Variants in IL12RB2 observed in about 807,000 individuals in gnomAD.
IL12RB2 encodes the protein interleukin 12 receptor subunit beta 2.
Under a neutral mutation model 89.4 loss-of-function variants are expected in IL12RB2, and 82 were observed. The observed-to-expected ratio is 0.92, with a 90% confidence interval of 0.77 to 1.10. The LOEUF is 1.10. IL12RB2 is among the 50% of genes least tolerant of loss of function. The pLI, the probability that IL12RB2 is intolerant of heterozygous loss-of-function variation, is 0.00. For missense variants in IL12RB2, 963 were observed against 1,031.9 expected (o/e 0.93, Z 0.92); for synonymous variants, 368 against 370.1 (o/e 0.99, Z 0.07).
intron 16 of IL12RB2, among the ~76,000 whole-genome samples, chr1:67,390,964 G>C (rs1665748662): frequency 2.0e-5 from 3 of 152,026 alleles, no homozygotes; most frequent in Admixed American, 6.6e-5. Context: ...CCCTTCCTCA[G>C]GCCAGAAGCC....
chr1:67,341,080 T>C (rs1284472746), intron 9 of IL12RB2, among the ~76,000 whole-genome samples: 1 of 152,202 alleles, frequency 6.6e-6, no homozygotes, highest in Non-Finnish European at 1.5e-5. Context: ...CCAAGAAGGA[T>C]GCTTGGGGTT....
chr1:67,356,504 T>C (rs1449464896), intron 10 of IL12RB2, among the ~76,000 whole-genome samples: 2 of 152,200 alleles, frequency 1.3e-5, no homozygotes, highest in Non-Finnish European at 2.9e-5. Flanking sequence ...CCCATGGGCC[T>C]GGCAGTTTCA....
At chr1:67,362,898 T>G (rs2100942308) in intron 10 of IL12RB2, among the ~76,000 whole-genome samples, 1 of 142,162 alleles carries the variant, frequency 7.0e-6, no homozygotes, top group African/African-American at 2.5e-5. Flanking sequence ...AAATACAAAC[T>G]TTAATTACTC....
At chr1:67,334,768 C>T (rs1359836290) in intron 8 of IL12RB2, among the ~76,000 whole-genome samples, 2 of 152,182 alleles carry the variant, frequency 1.3e-5, no homozygotes, top group African/African-American at 2.4e-5. Context: ...CATGAGCCAC[C>T]GCGCCCGGCC....
chr1:67,374,777 C>CTT (rs35122967), intron 13 of IL12RB2, among the ~76,000 whole-genome samples: 3,207 of 53,876 alleles, frequency 0.06, 169 homozygotes, highest in South Asian at 0.085. Flanking sequence ...AGCCCAGCCT[C>CTT]TTTTTTTTTT....
At chr1:67,328,662 C>T (rs1287404977) in intron 6 of IL12RB2, among the ~76,000 whole-genome samples, 1 of 152,160 alleles carries the variant, frequency 6.6e-6, no homozygotes, top group East Asian at 1.9e-4. Context: ...ACTAATGATA[C>T]CACCTGACTG....
chr1:67,324,811 C>T (rs1270085478), intron 4 of IL12RB2, among the ~76,000 whole-genome samples: 1 of 152,236 alleles, frequency 6.6e-6, no homozygotes, highest in Non-Finnish European at 1.5e-5. Flanking sequence ...TGGGAACAGA[C>T]AGCTTAAACC....
chr1:67,336,201 C>G (rs1050615280), intron 8 of IL12RB2, among the ~76,000 whole-genome samples: 1 of 152,178 alleles, frequency 6.6e-6, no homozygotes, highest in African/African-American at 2.4e-5. Flanking sequence ...AAAGCAAGAC[C>G]TGGGTCCAGT....
intron 8 of IL12RB2, among the ~76,000 whole-genome samples, chr1:67,333,880 C>A (rs78809698): frequency 0.042 from 6,374 of 152,298 alleles, 199 homozygotes; most frequent in Admixed American, 0.068. Flanking sequence ...GATTAATCAG[C>A]TATTCCTTAG....
At chr1:67,325,839 A>T (rs984211274) in intron 4 of IL12RB2, among the ~76,000 whole-genome samples, 2 of 152,222 alleles carry the variant, frequency 1.3e-5, no homozygotes, top group Non-Finnish European at 2.9e-5. Flanking sequence ...GGGTCTGGGT[A>T]TTAGGGTAAA....
At chr1:67,350,769 C>A in intron 9 of IL12RB2, 101 bp from the exon 10 acceptor site, 1 of 1,555,896 alleles carries the variant, frequency 6.4e-7, no homozygotes. Context: ...AAAGGTCACT[C>A]AGCTGTAGCT....
At chr1:67,393,581 C>T (rs920733543) in intron 16 of IL12RB2, among the ~76,000 whole-genome samples, 3 of 152,222 alleles carry the variant, frequency 2.0e-5, no homozygotes. Context: ...GGGTAGTGAT[C>T]AGAAAAGAGC....
chr1:67,342,685 C>T (rs1276056555), intron 9 of IL12RB2, among the ~76,000 whole-genome samples: 1 of 151,626 alleles, frequency 6.6e-6, no homozygotes, highest in African/African-American at 2.4e-5. Context: ...GCTTGTCACT[C>T]CTTTTCCCAT....
Position 67,372,726 on chromosome 1 carries a change from C to G in IL12RB2, c.1660C>G (p.Leu554Val). The G allele has an allele frequency of 6.2e-7, 1 of 1,603,602 alleles. No homozygotes were observed. Residue 554 changes from leucine to valine, a missense_variant, in exon 13 of 17, where the codon CTC becomes GTC. Coordinates refer to ENST00000674203, the MANE Select transcript of IL12RB2 (RefSeq NM_001374259.2). ...AGTCCAGGAGCAAATGGGCTGCCTC[C>G]TCCATTATAGGATATACTGGAAGGA... is the stretch of plus-strand genomic sequence containing the variant. The part of the protein sequence containing the change: ...IPVQEQMGCL[L>V]HYRIYWKERD...
chr1:67,326,734 G>A lies in IL12RB2; in HGVS notation c.365-1G>A, dbSNP rs1250001215. 1.2e-6 allele frequency: 2 copies of A among 1,612,420 alleles called. No individual in the cohort carries two copies. The highest frequency in any genetic ancestry group is 1.7e-6 in the Non-Finnish European group (2 of 1,178,998). On this transcript the variant is annotated splice_acceptor_variant, in intron 4 of 16. Coordinates refer to ENST00000674203, the MANE Select transcript of IL12RB2 (RefSeq NM_001374259.2). LOFTEE classifies it high-confidence loss of function. ...TAAGGTTTTGTCTTTTCTTTTTAAA[G>A]TTGCTCCAGAACAGCCTCAAAATTT...
chr1:67,393,305 T>C (rs989562823), intron 16 of IL12RB2, among the ~76,000 whole-genome samples: 3 of 152,174 alleles, frequency 2.0e-5, no homozygotes, highest in African/African-American at 7.2e-5. Context: ...TTGTAAAAGC[T>C]TAAAATAGTG....
At position 67,320,429 on chromosome 1, in the gene IL12RB2, A is replaced by AT. The variant is rs781414390; in HGVS notation, c.63dup (p.Lys22Ter). The AT allele has an allele frequency of 6.2e-7, 1 of 1,613,944 alleles. No homozygotes were observed. Among genetic ancestry groups the AT allele is most frequent in the African/African-American group, 1.3e-5 (1 of 75,056 alleles). On this transcript the variant is annotated frameshift_variant, in exon 3 of 17. Coordinates refer to ENST00000674203, the MANE Select transcript of IL12RB2 (RefSeq NM_001374259.2). LOFTEE classifies it high-confidence loss of function. ...TATGTTTATAATCACGTGGCTGTTGATTAAAGCAAAAATAGGTAAGATATT... is the reference window on the plus strand; with the variant it reads ...TATGTTTATAATCACGTGGCTGTTGATTTAAAGCAAAAATAGGTAAGATATT...
chr1:67,382,965 T>C (rs1175843047), intron 14 of IL12RB2, among the ~76,000 whole-genome samples: 1 of 152,200 alleles, frequency 6.6e-6, no homozygotes. Flanking sequence ...TACACTGCTG[T>C]GGACATTGCA....
intron 4 of IL12RB2, among the ~76,000 whole-genome samples, chr1:67,324,242 A>T (rs1407625751): frequency 6.6e-6 from 1 of 152,206 alleles, no homozygotes; most frequent in Admixed American, 6.5e-5. Context: ...GTTTGTTTTG[A>T]GATGGAATCT....
Sources: gnomAD v4.1 joint callset for allele counts (sites outside exome capture counted in the v4.1 genomes callset) on GRCh38, gnomAD v4.1.1 for gene constraint, MANE v1.5 for transcripts, NCBI Gene and HGNC (gene_info 2026-07-23, HGNC 2026-07-21) for gene names.